Variants in CHST11 observed in about 807,000 individuals in gnomAD.
The protein encoded by CHST11 is carbohydrate sulfotransferase 11.
In CHST11, 9 loss-of-function variants were observed where a neutral mutation model predicts 30.4. That is an observed-to-expected ratio of 0.30 (90% confidence interval 0.18 to 0.52). CHST11 has a LOEUF of 0.52. Ranked by LOEUF, CHST11 falls within the 20% of genes least tolerant of loss-of-function variation. The probability of loss-of-function intolerance (pLI) is 0.97; values close to 1 mark genes in which losing one functional copy is unlikely to be tolerated. For missense variants in CHST11, 348 were observed against 460.6 expected, an observed-to-expected ratio of 0.76 and a Z score of 2.24; for synonymous variants, 152 against 187.8, an observed-to-expected ratio of 0.81 and a Z score of 1.56.
intron 2 of CHST11, among the ~76,000 whole-genome samples, chr12:104,703,164 C>T (rs1327466803): frequency 2.6e-5 from 4 of 152,246 alleles, no homozygotes; most frequent in African/African-American, 7.2e-5. Flanking sequence ...GCACCTAGCA[C>T]AGTGCCTGGG....
intron 1 of CHST11, among the ~76,000 whole-genome samples, chr12:104,580,148 T>G (rs1341127232): frequency 6.6e-6 from 1 of 152,206 alleles, no homozygotes; most frequent in African/African-American, 2.4e-5. Flanking sequence ...CAGACATCAT[T>G]TGTGACTTTC....
At chr12:104,660,088 G>A (rs1266500443) in intron 2 of CHST11, among the ~76,000 whole-genome samples, 2 of 152,168 alleles carry the variant, frequency 1.3e-5, no homozygotes, top group Non-Finnish European at 2.9e-5. Flanking sequence ...GGACTGTACT[G>A]GGCTAGACTA....
chr12:104,495,415 G>A (rs749076757), intron 1 of CHST11, among the ~76,000 whole-genome samples: 5 of 152,088 alleles, frequency 3.3e-5, no homozygotes, highest in South Asian at 2.1e-4. Flanking sequence ...CACAGTGGTC[G>A]TGCCATTTTA....
intron 1 of CHST11, among the ~76,000 whole-genome samples, chr12:104,598,802 T>C (rs926804834): frequency 1.3e-5 from 2 of 150,916 alleles, no homozygotes; most frequent in Non-Finnish European, 3.0e-5. Context: ...TGGGGAGAGA[T>C]AAAGTGCTGG....
intron 2 of CHST11, among the ~76,000 whole-genome samples, chr12:104,680,752 C>T (rs2039787583): frequency 6.6e-6 from 1 of 152,220 alleles, no homozygotes; most frequent in Non-Finnish European, 1.5e-5. Context: ...TGACTTTTAA[C>T]TTATACCACA....
rs1437653782 is a variant in CHST11 at position 104,458,168 on chromosome 12, G to A, written c.118+639G>A. Among the ~76,000 whole-genome samples, 1 of 152,088 alleles carries A rather than the reference G, an allele frequency of 6.6e-6. No homozygotes were observed. The highest frequency in any genetic ancestry group is 1.5e-5 in the Non-Finnish European group (1 of 67,988). ...GTTGCCCCTCCACCACGCGCCGGCC[G>A]TTTGCCCCCGGGGTCCGGCTCCGCA... On this transcript the variant is annotated intron_variant, in intron 1 of 2. Coordinates refer to ENST00000303694, the MANE Select transcript of CHST11 (RefSeq NM_018413.6). The surrounding 1 kb of genome is among the most constrained non-coding windows in gnomAD (Gnocchi z 5.7).
chr12:104,467,963 A>C (rs1338486401), intron 1 of CHST11, among the ~76,000 whole-genome samples: 1 of 152,206 alleles, frequency 6.6e-6, no homozygotes, highest in Non-Finnish European at 1.5e-5. Context: ...ATCATTCAAG[A>C]TATTTTTGTT....
At chr12:104,516,762 T>G (rs2135985187) in intron 1 of CHST11, among the ~76,000 whole-genome samples, 1 of 152,032 alleles carries the variant, frequency 6.6e-6, no homozygotes, top group South Asian at 2.1e-4. Context: ...AGGCATGCCT[T>G]GCTGTAAAGA....
At chr12:104,694,358 C>T (rs2039925102) in intron 2 of CHST11, among the ~76,000 whole-genome samples, 1 of 152,228 alleles carries the variant, frequency 6.6e-6, no homozygotes. Flanking sequence ...CTGCTGTTAG[C>T]TGCCTTCTCA....
At chr12:104,500,947 G>A (rs760672581) in intron 1 of CHST11, among the ~76,000 whole-genome samples, 4 of 152,152 alleles carry the variant, frequency 2.6e-5, no homozygotes, top group Non-Finnish European at 4.4e-5. Context: ...GGGCAGGTTT[G>A]ATCTCTGCCC....
intron 2 of CHST11, among the ~76,000 whole-genome samples, chr12:104,680,609 G>T (rs1819684249): frequency 6.6e-6 from 1 of 152,216 alleles, no homozygotes; most frequent in African/African-American, 2.4e-5. Flanking sequence ...TGCTTATTGG[G>T]TCAGTGATTC....
intron 2 of CHST11, among the ~76,000 whole-genome samples, chr12:104,657,177 A>G (rs921548859): frequency 7.9e-5 from 12 of 152,212 alleles, no homozygotes; most frequent in African/African-American, 2.9e-4. Flanking sequence ...AAGGGGAATC[A>G]TATTTCCTGG....
intron 2 of CHST11, among the ~76,000 whole-genome samples, chr12:104,720,626 G>A (rs892819707): frequency 5.3e-5 from 8 of 152,240 alleles, no homozygotes; most frequent in South Asian, 2.1e-4. Context: ...TGCTGCGGTC[G>A]GCAGCCAAGA....
intron 2 of CHST11, among the ~76,000 whole-genome samples, chr12:104,622,122 C>T (rs558678583): frequency 6.6e-6 from 1 of 152,280 alleles, no homozygotes; most frequent in South Asian, 2.1e-4. Flanking sequence ...TTGATACAAC[C>T]AAAATCCTTG....
intron 1 of CHST11, among the ~76,000 whole-genome samples, chr12:104,588,196 G>C (rs1482476317): frequency 1.3e-5 from 2 of 152,062 alleles, no homozygotes; most frequent in Non-Finnish European, 2.9e-5. Context: ...TCTAATTTTA[G>C]AACATTTCCA....
chr12:104,626,256 A>G (rs1376279791), intron 2 of CHST11, among the ~76,000 whole-genome samples: 3 of 152,236 alleles, frequency 2.0e-5, no homozygotes, highest in Admixed American at 6.5e-5. Flanking sequence ...CCTTCTCCCA[A>G]GTTAGTTTGA....
intron 2 of CHST11, among the ~76,000 whole-genome samples, chr12:104,703,605 C>A (rs1194652864): frequency 2.6e-5 from 4 of 152,180 alleles, no homozygotes; most frequent in Admixed American, 1.3e-4. Context: ...TGGTCTACAG[C>A]GTAAGTCGGA....
rs2040530060 is a variant in CHST11, at chr12:104,761,958, G to C, written c.*4155G>C. Reference sequence around the variant, plus strand: ...GTTCATGAACCTTCCTCCAGGAAAAGCCATTCAAGCCTGATTATTTTTCTA... The same window carrying C: ...GTTCATGAACCTTCCTCCAGGAAAACCCATTCAAGCCTGATTATTTTTCTA... On this transcript the variant is annotated 3_prime_UTR_variant, in exon 3 of 3. Coordinates refer to ENST00000303694, the MANE Select transcript of CHST11 (RefSeq NM_018413.6). 1 of 152,224 alleles carries C rather than the reference G, an allele frequency of 6.6e-6. No homozygotes were observed. The allele number at this position is 152,224 out of a possible 1,614,324, so 9.4% of individuals were successfully genotyped here. A position where few individuals can be genotyped will look rare whatever the true frequency, so the allele number is the denominator to read the frequency against.
chr12:104,688,728 T>C (rs886467802), intron 2 of CHST11, among the ~76,000 whole-genome samples: 3 of 151,662 alleles, frequency 2.0e-5, no homozygotes, highest in African/African-American at 7.3e-5. Flanking sequence ...AAAATAGGGG[T>C]GTGGTTAAGT....
Sources: gnomAD v4.1 joint callset for allele counts (sites outside exome capture counted in the v4.1 genomes callset) on GRCh38, gnomAD v4.1.1 for gene constraint, Gnocchi (gnomAD v3.1) non-coding constraint, MANE v1.5 for transcripts, NCBI Gene and HGNC (gene_info 2026-07-23, HGNC 2026-07-21) for gene names.